ZFPM2: variants seen among roughly 807,000 people sequenced by gnomAD.
The protein encoded by ZFPM2 is zinc finger protein, FOG family member 2.
In ZFPM2, 20 loss-of-function variants were observed where a neutral mutation model predicts 98.6. The ratio of observed to expected loss-of-function variants is 0.20; its 90% CI spans 0.14 to 0.29. The LOEUF (loss-of-function observed/expected upper bound fraction) is 0.29, where lower values mean the gene tolerates loss of function less well. Ranked by LOEUF, ZFPM2 falls within the 10% of genes least tolerant of loss-of-function variation. The probability of loss-of-function intolerance (pLI) is 1.00; values close to 1 mark genes in which losing one functional copy is unlikely to be tolerated. For synonymous variants in ZFPM2, 518 were observed against 502.7 expected, an observed-to-expected ratio of 1.03 and a Z score of -0.41; for missense variants, 1,310 against 1,388.6, an observed-to-expected ratio of 0.94 and a Z score of 0.90.
rs761078185 is a variant in ZFPM2 at position 105,798,946 on chromosome 8, G to A, written c.962G>A (p.Ser321Asn). 5.0e-6 allele frequency: 8 copies of A among 1,612,716 alleles called. No individual in the cohort carries two copies. The East Asian group carries it at 8.9e-5, about 18-fold the overall frequency. The change falls in exon 7 of 8, where the codon AGT becomes AAT. Residue 321 changes from serine to asparagine, a missense_variant and splice_region_variant. By Grantham distance (46) the Ser-to-Asn change is conservative (BLOSUM62 1). Coordinates refer to ENST00000407775, the MANE Select transcript of ZFPM2 (RefSeq NM_012082.4). ...CTAGAAATGCACCTGAATTCACACAGTGGTAAATGCCCCTTTTGTTTCTTC... is the reference window on the plus strand; with the variant it reads ...CTAGAAATGCACCTGAATTCACACAATGGTAAATGCCCCTTTTGTTTCTTC... ...RALEMHLNSH[S>N]GVKMEEFLPP...
At chr8:105,329,989 A>G (rs950692180) in intron 1 of ZFPM2, among the ~76,000 whole-genome samples, 4 of 151,764 alleles carry the variant, frequency 2.6e-5, no homozygotes, top group Non-Finnish European at 4.4e-5. Context: ...TGATAGAAAA[A>G]TGTTGTAGAA....
At chr8:105,684,032 TGTAGA>T (rs1477228314) in intron 5 of ZFPM2, among the ~76,000 whole-genome samples, 1 of 152,136 alleles carries the variant, frequency 6.6e-6, no homozygotes, top group African/African-American at 2.4e-5. Context: ...ATCATGATAA[TGTAGA>T]GTAATGTTCA....
intron 3 of ZFPM2, among the ~76,000 whole-genome samples, chr8:105,518,106 A>G (rs932852737): frequency 6.6e-6 from 1 of 152,180 alleles, no homozygotes; most frequent in Non-Finnish European, 1.5e-5. Flanking sequence ...CATCATTGCT[A>G]TCTCATAGAC....
chr8:105,572,115 G>T (rs1355018795), intron 4 of ZFPM2, among the ~76,000 whole-genome samples: 2 of 138,864 alleles, frequency 1.4e-5, no homozygotes, highest in African/African-American at 5.5e-5. Context: ...TCATCTCACT[G>T]CAAGCTCCAC....
chr8:105,489,454 A>ATTTATAGATATATGTT (rs1563682409), intron 3 of ZFPM2, among the ~76,000 whole-genome samples: 1,296 of 74,286 alleles, frequency 0.017, 28 homozygotes, highest in African/African-American at 0.065. Context: ...GTTTTTATAT[A>ATTTATAGATATATGTT]TATATATATA....
intron 1 of ZFPM2, among the ~76,000 whole-genome samples, chr8:105,415,691 G>C (rs1478235572): frequency 6.6e-6 from 1 of 151,976 alleles, no homozygotes; most frequent in Non-Finnish European, 1.5e-5. Flanking sequence ...GGTTTTCCCT[G>C]TTAAAGAAAC....
At chr8:105,507,303 TTG>T (rs1239233038) in intron 3 of ZFPM2, among the ~76,000 whole-genome samples, 1 of 152,190 alleles carries the variant, frequency 6.6e-6, no homozygotes, top group Non-Finnish European at 1.5e-5. Context: ...GGGTGAGTAC[TTG>T]TGTCTATCAT....
intron 1 of ZFPM2, among the ~76,000 whole-genome samples, chr8:105,365,070 G>T (rs565660289): frequency 2.4e-4 from 37 of 152,182 alleles, no homozygotes; most frequent in African/African-American, 3.9e-4. Context: ...AGACCAGCTT[G>T]GTTCATAAGT....
At chr8:105,671,733 A>G (rs1351698263) in intron 5 of ZFPM2, among the ~76,000 whole-genome samples, 1 of 152,114 alleles carries the variant, frequency 6.6e-6, no homozygotes, top group Admixed American at 6.5e-5. Flanking sequence ...ACAAGTAAGT[A>G]CAATAGTTTA....
chr8:105,704,016 T>C (rs1244428548), intron 5 of ZFPM2, among the ~76,000 whole-genome samples: 4 of 152,204 alleles, frequency 2.6e-5, no homozygotes, highest in South Asian at 2.1e-4. Context: ...AAATCCTGAG[T>C]TCTCTCTCCT....
chr8:105,392,062 T>C (rs1430980974), intron 1 of ZFPM2, among the ~76,000 whole-genome samples: 1 of 152,188 alleles, frequency 6.6e-6, no homozygotes, highest in African/African-American at 2.4e-5. Flanking sequence ...CTTTGCAGAA[T>C]GGATTTTTGT....
At chr8:105,556,732 C>T (rs1327322622) in intron 3 of ZFPM2, among the ~76,000 whole-genome samples, 1 of 147,760 alleles carries the variant, frequency 6.8e-6, no homozygotes, top group Admixed American at 6.8e-5. Context: ...CCCTCCCCTC[C>T]CCTCCCCTTT....
chr8:105,336,650 G>A (rs1262778300), intron 1 of ZFPM2, among the ~76,000 whole-genome samples: 1 of 147,032 alleles, frequency 6.8e-6, no homozygotes, highest in African/African-American at 2.5e-5. Context: ...ACTGGGAAAC[G>A]CTTTATAAGA....
At chr8:105,399,208 G>T (rs2129973943) in intron 1 of ZFPM2, among the ~76,000 whole-genome samples, 1 of 152,308 alleles carries the variant, frequency 6.6e-6, no homozygotes, top group African/African-American at 2.4e-5. Context: ...GTAGACAGAA[G>T]ACATAAAAGC....
intron 4 of ZFPM2, among the ~76,000 whole-genome samples, chr8:105,566,804 C>A (rs1191210895): frequency 6.6e-6 from 1 of 152,128 alleles, no homozygotes; most frequent in Admixed American, 6.6e-5. Flanking sequence ...AAACTCATCG[C>A]AACCTGTTAA....
chr8:105,493,750 G>A (rs1235604382), intron 3 of ZFPM2, among the ~76,000 whole-genome samples: 1 of 152,100 alleles, frequency 6.6e-6, no homozygotes, highest in Non-Finnish European at 1.5e-5. Flanking sequence ...TCTGTCCACT[G>A]ACATATCTTA....
intron 4 of ZFPM2, 63 bp from the exon 5 acceptor site, chr8:105,634,183 T>C: frequency 1.6e-6 from 2 of 1,231,280 alleles, no homozygotes; most frequent in Non-Finnish European, 2.3e-6. Context: ...TTAGTACAGT[T>C]ATTATTCAAG....
At chr8:105,458,468 T>C (rs2130289690) in intron 3 of ZFPM2, among the ~76,000 whole-genome samples, 1 of 152,256 alleles carries the variant, frequency 6.6e-6, no homozygotes, top group African/African-American at 2.4e-5. Context: ...TCCATATTAA[T>C]CAATGAAGAT....
chr8:105,551,361 G>A (rs557118429), intron 3 of ZFPM2, among the ~76,000 whole-genome samples: 2 of 152,006 alleles, frequency 1.3e-5, no homozygotes, highest in Non-Finnish European at 2.9e-5. Context: ...AGTATCCTAG[G>A]GTCTATATTC....
Sources: allele counts gnomAD v4.1 joint callset (sites outside exome capture counted in the v4.1 genomes callset), GRCh38; gene constraint gnomAD v4.1.1; transcripts MANE v1.5; gene names NCBI Gene and HGNC (gene_info 2026-07-23, HGNC 2026-07-21).